Variants in STRADA observed in about 807,000 individuals in gnomAD.
STRADA encodes STE20-related kinase adapter protein alpha.
STRADA carries 26 observed loss-of-function variants against 55.0 expected under a neutral mutation model. That is an observed-to-expected ratio of 0.47 (90% CI 0.35 to 0.66). STRADA has a LOEUF of 0.66. Among genes scored for constraint, STRADA ranks in the 30% least tolerant of loss-of-function variants. The pLI is 0.01. For synonymous variants in STRADA, 197 were observed against 210.9 expected (o/e 0.93, Z 0.57); for missense variants, 443 against 549.7 (o/e 0.81, Z 1.94).
intron 1 of STRADA, among the ~76,000 whole-genome samples, chr17:63,734,514 C>T (rs1006658574): frequency 6.6e-6 from 1 of 152,088 alleles, no homozygotes; most frequent in African/African-American, 2.4e-5. Flanking sequence ...CATGGTGGCA[C>T]TGGCCTGTAA....
intron 1 of STRADA, among the ~76,000 whole-genome samples, chr17:63,730,167 T>C (rs1319752343): frequency 6.6e-6 from 1 of 152,172 alleles, no homozygotes; most frequent in African/African-American, 2.4e-5. Context: ...ACCTATTTTT[T>C]CCTAGAGTTA....
intron 2 of STRADA, chr17:63,727,735 A>G (rs2037753567): frequency 6.6e-6 from 1 of 152,226 alleles, no homozygotes; most frequent in Non-Finnish European, 1.5e-5. Context: ...ATAATATCTC[A>G]TAGCACTTAT....
intron 4 of STRADA, among the ~76,000 whole-genome samples, chr17:63,718,077 C>A (rs1260025798): frequency 1.3e-5 from 2 of 152,088 alleles, no homozygotes; most frequent in Non-Finnish European, 2.9e-5. Flanking sequence ...CATGTGCCAC[C>A]ACGCCTAGCT....
chr17:63,732,134 C>A (rs1598262051), intron 1 of STRADA, among the ~76,000 whole-genome samples: 1 of 152,076 alleles, frequency 6.6e-6, no homozygotes, highest in South Asian at 2.1e-4. Flanking sequence ...TCCCAAAGTG[C>A]CGGGATTACA....
chr17:63,735,399 C>A (rs1476845391), intron 1 of STRADA, among the ~76,000 whole-genome samples: 3 of 152,176 alleles, frequency 2.0e-5, no homozygotes, highest in African/African-American at 7.2e-5. Context: ...CGAATCTCAA[C>A]GTTAATAACT....
intron 1 of STRADA, chr17:63,737,358 G>A (rs1427529998): frequency 6.6e-6 from 1 of 151,180 alleles, no homozygotes; most frequent in African/African-American, 2.4e-5. Context: ...GGACCGCAGT[G>A]CAGAATAACA....
chr17:63,738,166 C>T (rs899274699), intron 1 of STRADA, among the ~76,000 whole-genome samples: 1 of 151,222 alleles, frequency 6.6e-6, no homozygotes, highest in Admixed American at 6.6e-5. Context: ...TATAGTGAAA[C>T]GCCGTCTCTA....
Position 63,706,619 on chromosome 17 carries a change from T to A in STRADA, c.858+16A>T. 1 of 1,602,710 alleles carries A rather than the reference T, an allele frequency of 6.2e-7. No homozygotes were observed. Among genetic ancestry groups the A allele is most frequent in the Non-Finnish European group, 8.5e-7 (1 of 1,172,004 alleles). On this transcript the variant is annotated intron_variant, in intron 10 of 12. Transcript: ENST00000336174. ...GGCAAGCAGGCAAGAAGGAAACCGA[T>A]GGGCGGCAGGCTTACCTGGGTGGCA...
chr17:63,741,606 A>AG, intron 1 of STRADA, 135 bp downstream of exon 1: 1 of 152,798 alleles, frequency 6.5e-6, no homozygotes, highest in Non-Finnish European at 1.5e-5. Flanking sequence ...CGGGTTAAAA[A>AG]GGGGGCCCGT....
chr17:63,704,071 C>G (rs773753751), intron 11 of STRADA, 24 bp from the exon 12 acceptor site: 2 of 1,610,426 alleles, frequency 1.2e-6, no homozygotes, highest in African/African-American at 2.7e-5. Context: ...GGAGGAGAGA[C>G]CGCAGCATCA....
At position 63,703,665 on chromosome 17, in the gene STRADA, G is replaced by T; in HGVS notation, c.1230C>A (p.Asp410Glu). 2 of 1,614,180 alleles carry T rather than the reference G, an allele frequency of 1.2e-6. No individual in the cohort carries two copies. Among genetic ancestry groups the T allele is most frequent in the South Asian group, 1.1e-5 (1 of 91,092 alleles). ...TTACCAGGCCAAAGATTCCACTGTG[G>T]TCCTGAGACTGGCTGCCCTCAAAAT... ...ITNFEGSQSQ[D>E]HSGIFGLVTN... is the part of the protein sequence containing the mutation. The change falls in exon 13 of 13, where the codon GAC becomes GAA. Residue 410 changes from aspartate to glutamate, a missense_variant. Coordinates refer to ENST00000336174, the MANE Select transcript of STRADA (RefSeq NM_001003787.4).
In STRADA at chr17:63,722,375, C is replaced by A. The variant is rs567688199; in HGVS notation, c.123+923G>T. Among the ~76,000 whole-genome samples, 19 of 152,348 alleles carry A rather than the reference C, an allele frequency of 1.2e-4. 1 individual carries two copies. The highest frequency in any genetic ancestry group is 4.3e-4 in the African/African-American group (18 of 41,570). On this transcript the variant is annotated intron_variant, in intron 4 of 12. Transcript: ENST00000336174. ...TTCCCACAGGTTTCACACAGGATAACTTTTGATATAACATCAGCAGCTGTA... is the reference window on the plus strand; with the variant it reads ...TTCCCACAGGTTTCACACAGGATAAATTTTGATATAACATCAGCAGCTGTA...
intron 11 of STRADA, 121 bp downstream of exon 11, chr17:63,704,220 C>T: frequency 6.5e-7 from 1 of 1,539,100 alleles, no homozygotes; most frequent in Non-Finnish European, 8.7e-7. Context: ...CTGATCCCTC[C>T]TGTGTGTAGC....
intron 4 of STRADA, among the ~76,000 whole-genome samples, chr17:63,722,214 A>C (rs1207807536): frequency 6.6e-6 from 1 of 152,244 alleles, no homozygotes; most frequent in African/African-American, 2.4e-5. Context: ...TTCATTTTGA[A>C]GCATCTGAAA....
chr17:63,704,953 C>G, intron 10 of STRADA: 1 of 1,514,410 alleles, frequency 6.6e-7, no homozygotes, highest in Non-Finnish European at 8.9e-7. Context: ...GAAGCCCAGC[C>G]GTCTGCCATG....
chr17:63,716,270 A>G (rs2036876038), intron 4 of STRADA, among the ~76,000 whole-genome samples: 1 of 151,346 alleles, frequency 6.6e-6, no homozygotes, highest in South Asian at 2.1e-4. Context: ...TAAGTTTTGT[A>G]TTTTTTTGTA....
At chr17:63,730,129 C>T (rs895650345) in intron 1 of STRADA, among the ~76,000 whole-genome samples, 5 of 152,140 alleles carry the variant, frequency 3.3e-5, no homozygotes, top group Admixed American at 6.5e-5. Flanking sequence ...AGCCACTGTG[C>T]CCAGACAATG....
At chr17:63,730,618 G>A (rs559244129) in intron 1 of STRADA, among the ~76,000 whole-genome samples, 4 of 151,892 alleles carry the variant, frequency 2.6e-5, no homozygotes, top group East Asian at 3.9e-4. Context: ...GTGTGGTGGC[G>A]CGATCCTGGC....
intron 1 of STRADA, among the ~76,000 whole-genome samples, chr17:63,731,873 T>C (rs899450439): frequency 6.6e-6 from 1 of 152,168 alleles, no homozygotes; most frequent in East Asian, 1.9e-4. Flanking sequence ...TTCTTTCTTT[T>C]GTTTTTTATG....
Sources: gnomAD v4.1 joint callset for allele counts (sites outside exome capture counted in the v4.1 genomes callset) on GRCh38, gnomAD v4.1.1 for gene constraint, MANE v1.5 for transcripts, NCBI Gene and HGNC (gene_info 2026-07-23, HGNC 2026-07-21) for gene names.